Variants in PCDHA7 observed in about 807,000 individuals in gnomAD.
PCDHA7 encodes protocadherin alpha-7.
Under a neutral mutation model 57.2 loss-of-function variants are expected in PCDHA7, and 37 were observed. That is an observed-to-expected ratio of 0.65 (90% CI 0.50 to 0.85). PCDHA7 has a LOEUF of 0.85. PCDHA7 is among the 40% of genes least tolerant of loss of function. The pLI is 0.00. For missense variants in PCDHA7, 1,188 were observed against 1,241.8 expected (o/e 0.96, Z 0.65); for synonymous variants, 553 against 558.8 (o/e 0.99, Z 0.15).
In PCDHA7 at chr5:140,858,494, C is replaced by T. The variant is rs1451749220; in HGVS notation, c.2355+21756C>T. 40 of 1,482,664 alleles carry T rather than the reference C, an allele frequency of 2.7e-5. 3 individuals carry two copies. In the Middle Eastern group the frequency reaches 5.1e-4, roughly 19 times the overall value. 91.8% of individuals were successfully genotyped at this position (1,482,664 alleles called of 1,614,324 possible). A position where few individuals can be genotyped will look rare whatever the true frequency, so the allele number is the denominator to read the frequency against. On this transcript the variant is annotated intron_variant, in intron 1 of 3. Transcript: ENST00000525929. Reference sequence around the variant, plus strand: ...CTTTATGAATAATATTTTCTCTTACCGCATTTTCTCAAATATGTATCAGAA... The same window carrying T: ...CTTTATGAATAATATTTTCTCTTACTGCATTTTCTCAAATATGTATCAGAA...
At chr5:140,923,584 T>C (rs2081432624) in intron 1 of PCDHA7, among the ~76,000 whole-genome samples, 1 of 152,172 alleles carries the variant, frequency 6.6e-6, no homozygotes, top group South Asian at 2.1e-4. Context: ...AGAGAAGGTT[T>C]GTTAATTCAT....
intron 1 of PCDHA7, among the ~76,000 whole-genome samples, chr5:140,840,809 C>T (rs1776884583): frequency 6.6e-6 from 1 of 151,832 alleles, no homozygotes; most frequent in Admixed American, 6.6e-5. Flanking sequence ...TAATATATAC[C>T]AGTGTTTCTG....
intron 1 of PCDHA7, among the ~76,000 whole-genome samples, chr5:140,959,145 A>C (rs2095470775): frequency 6.6e-6 from 1 of 152,030 alleles, no homozygotes; most frequent in Non-Finnish European, 1.5e-5. Flanking sequence ...GGGAGGCCAA[A>C]GTGGGCAGAT....
chr5:140,989,563 C>A (rs1399360475), intron 3 of PCDHA7, among the ~76,000 whole-genome samples: 1 of 152,118 alleles, frequency 6.6e-6, no homozygotes, highest in Non-Finnish European at 1.5e-5. Flanking sequence ...TTTTGTGGCT[C>A]CGGCAAGCCC....
chr5:140,965,748 C>T (rs1010303564), intron 1 of PCDHA7, among the ~76,000 whole-genome samples: 1 of 152,174 alleles, frequency 6.6e-6, no homozygotes, highest in Non-Finnish European at 1.5e-5. Flanking sequence ...TCCCCATTGT[C>T]GCCAAAATGG....
rs2150257752 is a variant in PCDHA7, at chr5:140,836,322, C to T, written c.1939C>T (p.Leu647Phe). 2.3e-5 allele frequency: 37 copies of T among 1,613,644 alleles called. No individual in the cohort carries two copies. The highest frequency in any genetic ancestry group is 3.3e-5 in the Admixed American group (2 of 60,000). The part of the protein sequence containing the change: ...LDETDAPRHR[L>F]LVLVKDHGEP... Reference sequence around the variant, plus strand: ...TGAGACGGACGCACCGCGCCACCGCCTTCTGGTGCTTGTGAAGGACCACGG... The same window carrying T: ...TGAGACGGACGCACCGCGCCACCGCTTTCTGGTGCTTGTGAAGGACCACGG... The change falls in exon 1 of 4, where the codon CTT becomes TTT. Residue 647 changes from leucine to phenylalanine, a missense_variant. Physicochemically the swap from Leu to Phe is conservative, Grantham distance 22. This residue lies in a region of PCDHA7 where 892 missense variants were observed against 788.5 expected (regional missense o/e 1.13). Coordinates refer to ENST00000525929, the MANE Select transcript of PCDHA7 (RefSeq NM_018910.3).
At chr5:140,853,981 T>C (rs1380460625) in intron 1 of PCDHA7, 1 of 543,664 alleles carries the variant, frequency 1.8e-6, no homozygotes, top group East Asian at 1.4e-4. Context: ...GAGACCAATG[T>C]AGTGAGACTC....
At chr5:140,838,332 C>T (rs1177546709) in intron 1 of PCDHA7, among the ~76,000 whole-genome samples, 2 of 149,836 alleles carry the variant, frequency 1.3e-5, no homozygotes, top group African/African-American at 2.5e-5. Flanking sequence ...CCATGTTGCC[C>T]CGGCTGGTCT....
At chr5:140,867,584 T>G (rs1386448666) in intron 1 of PCDHA7, 4 of 152,130 alleles carry the variant, frequency 2.6e-5, no homozygotes, top group Non-Finnish European at 5.9e-5. Context: ...CTTGCAGTAT[T>G]TTTAGATTGG....
At chr5:140,850,178 T>G in intron 1 of PCDHA7, 1 of 1,593,294 alleles carries the variant, frequency 6.3e-7, no homozygotes, top group Non-Finnish European at 8.6e-7. Flanking sequence ...AGAACGACAA[T>G]GCGCCGGCGC....
rs1554231789 is a variant in PCDHA7 at position 140,969,430 on chromosome 5, A to G, written c.2356-9519A>G. ...CTTTATTGAGTCATTAACAGTGACAAGAGTTATCTGGTAAACTGAGTATAT... is the reference window on the plus strand; with the variant it reads ...CTTTATTGAGTCATTAACAGTGACAGGAGTTATCTGGTAAACTGAGTATAT... On this transcript the variant is annotated intron_variant, in intron 1 of 3. Transcript: ENST00000525929. The G allele has an allele frequency of 1.2e-5, 19 of 1,554,588 alleles. 1 individual carries two copies. The Admixed American group carries it at 3.5e-4, about 29-fold the overall frequency.
intron 1 of PCDHA7, among the ~76,000 whole-genome samples, chr5:140,903,723 A>G (rs1361598477): frequency 6.6e-6 from 1 of 152,210 alleles, no homozygotes; most frequent in Non-Finnish European, 1.5e-5. Flanking sequence ...AATTCTCCCT[A>G]TTATCAATTA....
chr5:140,902,421 A>G (rs1187358402), intron 1 of PCDHA7, among the ~76,000 whole-genome samples: 4 of 152,076 alleles, frequency 2.6e-5, no homozygotes, highest in Non-Finnish European at 5.9e-5. Context: ...AACAGTGGTG[A>G]AAGTGGGCAT....
chr5:140,870,678 G>C (rs1304914174), intron 1 of PCDHA7: 1 of 1,612,626 alleles, frequency 6.2e-7, no homozygotes, highest in African/African-American at 1.3e-5. Context: ...TGGACCACGA[G>C]GAGCTGGAGC....
In PCDHA7 at chr5:140,835,618, C is replaced by T. The variant is rs1562347401; in HGVS notation, c.1235C>T (p.Ala412Val). Residue 412 changes from alanine (A) to valine (V), a missense_variant, in exon 1 of 4, where the codon GCT (alanine) becomes GTT (valine). By Grantham distance (64) the Ala-to-Val change is moderately conservative. This residue lies in a region of PCDHA7 where 892 missense variants were observed against 788.5 expected (regional missense o/e 1.13). Coordinates refer to ENST00000525929, the MANE Select transcript of PCDHA7 (RefSeq NM_018910.3). Reference protein sequence around the residue: ...KNYYSLVLDSALDRESVSAYE... With the variant: ...KNYYSLVLDSVLDRESVSAYE... ...TACTATTCATTGGTGCTGGACAGCG[C>T]TCTGGACCGCGAGAGTGTGTCCGCC... 1 of 1,613,946 alleles carries T rather than the reference C, an allele frequency of 6.2e-7. No homozygotes were observed. Among genetic ancestry groups the T allele is most frequent in the South Asian group, 1.1e-5 (1 of 91,070 alleles).
intron 1 of PCDHA7, chr5:140,927,831 G>T: frequency 6.2e-7 from 1 of 1,614,186 alleles, no homozygotes; most frequent in Non-Finnish European, 8.5e-7. Flanking sequence ...TTGAGGCGAG[G>T]GACGAAGGTG....
chr5:140,940,361 A>T (rs1396183629), intron 1 of PCDHA7, among the ~76,000 whole-genome samples: 1 of 152,210 alleles, frequency 6.6e-6, no homozygotes, highest in Non-Finnish European at 1.5e-5. Flanking sequence ...TGCTATTAAA[A>T]GTATTCCTTG....
intron 1 of PCDHA7, among the ~76,000 whole-genome samples, chr5:140,953,512 C>G (rs2094896275): frequency 6.6e-6 from 1 of 152,106 alleles, no homozygotes; most frequent in Non-Finnish European, 1.5e-5. Context: ...TAGGCCAAAG[C>G]AACAAAAACG....
intron 1 of PCDHA7, chr5:140,841,711 GC>G (rs2150321418): frequency 1.9e-6 from 3 of 1,613,890 alleles, no homozygotes; most frequent in Non-Finnish European, 1.7e-6. Context: ...ATGACAACCC[GC>G]CAGTGTTCCG....
Sources: allele counts gnomAD v4.1 joint callset (sites outside exome capture counted in the v4.1 genomes callset), GRCh38; gene constraint gnomAD v4.1.1; regional missense constraint gnomAD v4.1.1; transcripts MANE v1.5; gene names NCBI Gene and HGNC (gene_info 2026-07-23, HGNC 2026-07-21).